The following CRADD variants were observed in gnomAD, a reference collection of about 807,000 sequenced individuals.
The protein encoded by CRADD is death domain-containing protein CRADD.
A neutral mutation model predicts 15.5 loss-of-function variants in CRADD; 9 were observed. The ratio of observed to expected loss-of-function variants is 0.58; its 90% CI spans 0.35 to 1.01. The LOEUF is 1.01. Among genes scored for constraint, CRADD ranks in the 50% least tolerant of loss-of-function variants. The pLI is 0.02. For missense variants in CRADD, 227 were observed against 250.3 expected (o/e 0.91, Z 0.63); for synonymous variants, 118 against 107.6 (o/e 1.10, Z -0.60).
intron 2 of CRADD, among the ~76,000 whole-genome samples, chr12:93,879,966 T>G (rs1424602448): frequency 1.3e-5 from 2 of 152,186 alleles, no homozygotes; most frequent in Non-Finnish European, 2.9e-5. Context: ...AAACACCTAC[T>G]CTATGCCAGG....
intron 2 of CRADD, among the ~76,000 whole-genome samples, chr12:93,841,260 C>A (rs989107228): frequency 3.9e-5 from 6 of 152,094 alleles, no homozygotes; most frequent in Admixed American, 3.9e-4. Flanking sequence ...CTTCTAAAAT[C>A]GTAACTGAAA....
chr12:93,709,053 A>G (rs778311772), intron 2 of CRADD: 2 of 152,266 alleles, frequency 1.3e-5, no homozygotes, highest in Non-Finnish European at 2.9e-5. Context: ...AAGATTTAGC[A>G]AAGTGGAGAA....
chr12:93,796,766 G>A (rs1045623957), intron 2 of CRADD, among the ~76,000 whole-genome samples: 2 of 152,078 alleles, frequency 1.3e-5, no homozygotes, highest in African/African-American at 4.8e-5. Flanking sequence ...AAGACCCCAT[G>A]GTTAATGAGT....
chr12:93,893,878 C>T (rs759886388), intron 2 of CRADD, among the ~76,000 whole-genome samples: 12 of 150,706 alleles, frequency 8.0e-5, no homozygotes, highest in South Asian at 6.3e-4. Context: ...CCAGCCTGGG[C>T]GACAGAGCAA....
chr12:93,718,331 TC>T (rs1191912467), intron 2 of CRADD, among the ~76,000 whole-genome samples: 1 of 152,240 alleles, frequency 6.6e-6, no homozygotes, highest in Non-Finnish European at 1.5e-5. Flanking sequence ...TTGGTTTCTT[TC>T]ACCAGTTTTG....
At chr12:93,765,916 T>C (rs1957022344) in intron 2 of CRADD, among the ~76,000 whole-genome samples, 1 of 152,164 alleles carries the variant, frequency 6.6e-6, no homozygotes, top group African/African-American at 2.4e-5. Context: ...TTGATCCAGA[T>C]TGAGGAACTC....
chr12:93,734,463 T>C (rs561357379), intron 2 of CRADD, among the ~76,000 whole-genome samples: 1 of 152,350 alleles, frequency 6.6e-6, no homozygotes, highest in East Asian at 1.9e-4. Flanking sequence ...TATACCACTT[T>C]TGTATTCTAA....
At chr12:93,819,321 A>G (rs964399250) in intron 2 of CRADD, among the ~76,000 whole-genome samples, 1 of 152,272 alleles carries the variant, frequency 6.6e-6, no homozygotes, top group Admixed American at 6.5e-5. Flanking sequence ...AGGCTAATGA[A>G]GGAGGGGAAC....
rs1010971674 is a variant in CRADD at position 93,805,766 on chromosome 12, A to G, written c.299-44204A>G. Among the ~76,000 whole-genome samples the G allele has an allele frequency of 2.0e-5, 3 of 152,158 alleles. No individual in the cohort carries two copies. In the East Asian group the frequency reaches 5.8e-4, roughly 29 times the overall value. On this transcript the variant is annotated intron_variant, in intron 2 of 2. Transcript: ENST00000332896. ...GCTTAGTGCCCAGACCTTGTACCCC[A>G]TGCAGCAGCCTGCTTGTCGGCCATG... is the stretch of plus-strand genomic sequence containing the variant.
intron 2 of CRADD, chr12:93,837,174 T>C (rs1210238088): frequency 6.6e-6 from 1 of 151,902 alleles, no homozygotes; most frequent in African/African-American, 2.4e-5. Context: ...GAGAAATGAA[T>C]GGCCCAGCAA....
At chr12:93,756,925 C>T (rs1592964425) in intron 2 of CRADD, among the ~76,000 whole-genome samples, 2 of 152,290 alleles carry the variant, frequency 1.3e-5, no homozygotes, top group East Asian at 3.9e-4. Flanking sequence ...GAGGCTGAAC[C>T]CGCCACTGAC....
intron 2 of CRADD, among the ~76,000 whole-genome samples, chr12:93,834,833 C>G (rs1244380304): frequency 6.6e-6 from 1 of 152,192 alleles, no homozygotes; most frequent in Non-Finnish European, 1.5e-5. Flanking sequence ...CAGTACTAAT[C>G]TTTTTCCTAT....
chr12:93,842,415 T>C (rs543611877), intron 2 of CRADD, among the ~76,000 whole-genome samples: 2 of 152,204 alleles, frequency 1.3e-5, no homozygotes, highest in African/African-American at 2.4e-5. Context: ...CTAGTGGAGA[T>C]GGTGAGTCGG....
At chr12:93,729,584 G>A (rs1266727861) in intron 2 of CRADD, among the ~76,000 whole-genome samples, 1 of 152,026 alleles carries the variant, frequency 6.6e-6, no homozygotes, top group African/African-American at 2.4e-5. Flanking sequence ...GTTGGAGTTT[G>A]AGACCAGCCT....
intron 2 of CRADD, among the ~76,000 whole-genome samples, chr12:93,720,448 T>C (rs117490773): frequency 0.038 from 5,722 of 152,264 alleles, 178 homozygotes; most frequent in South Asian, 0.072. Flanking sequence ...ATACAATTGA[T>C]TGATGTTGAG....
At chr12:93,881,410 T>C (rs1006855167) in intron 2 of CRADD, among the ~76,000 whole-genome samples, 2 of 138,240 alleles carry the variant, frequency 1.4e-5, no homozygotes, top group African/African-American at 5.2e-5. Flanking sequence ...CAATTTTTTT[T>C]GTGTTCTGCA....
At chr12:93,817,593 C>T (rs757339889) in intron 2 of CRADD, among the ~76,000 whole-genome samples, 3 of 152,046 alleles carry the variant, frequency 2.0e-5, no homozygotes, top group South Asian at 2.1e-4. Flanking sequence ...CCTTCTTTTC[C>T]TCTTCTTCAT....
At chr12:93,734,212 C>T (rs577151594) in intron 2 of CRADD, among the ~76,000 whole-genome samples, 1 of 152,258 alleles carries the variant, frequency 6.6e-6, no homozygotes, top group East Asian at 1.9e-4. Flanking sequence ...TCTTCTAGGT[C>T]CTAGGTATAG....
At chr12:93,852,972 A>G (rs975313051), downstream of CRADD, among the ~76,000 whole-genome samples, 3 of 152,114 alleles carry the variant, frequency 2.0e-5, no homozygotes, top group African/African-American at 7.2e-5. Flanking sequence ...AAAAAACACA[A>G]TAAGATGAAG....
Sources: gnomAD v4.1 joint callset for allele counts (sites outside exome capture counted in the v4.1 genomes callset) on GRCh38, gnomAD v4.1.1 for gene constraint, MANE v1.5 for transcripts, NCBI Gene and HGNC (gene_info 2026-07-23, HGNC 2026-07-21) for gene names.